PSMA3: variants seen among roughly 807,000 people sequenced by gnomAD.
PSMA3 encodes proteasome subunit alpha type-3.
PSMA3 carries 8 observed loss-of-function variants against 40.0 expected under a neutral mutation model. That is an observed-to-expected ratio of 0.20 (90% confidence interval 0.12 to 0.36). The LOEUF is 0.36. Ranked by LOEUF, PSMA3 falls within the 10% of genes least tolerant of loss-of-function variation. The pLI is 1.00. For missense variants in PSMA3, 219 were observed against 310.6 expected (o/e 0.70, Z 2.22); for synonymous variants, 110 against 100.0 (o/e 1.10, Z -0.59).
intron 1 of PSMA3, 160 bp downstream of exon 1, chr14:58,245,101 C>A: frequency 1.2e-6 from 1 of 860,514 alleles, no homozygotes; most frequent in Non-Finnish European, 1.9e-6. Flanking sequence ...TCTTTATCCC[C>A]TATATGCTAG....
At chr14:58,246,906 T>C (rs1175391074) in intron 1 of PSMA3, among the ~76,000 whole-genome samples, 1 of 152,218 alleles carries the variant, frequency 6.6e-6, no homozygotes, top group East Asian at 1.9e-4. Context: ...AAATTTCTCA[T>C]TGCATTTAGA....
chr14:58,252,088 TAAAA>T (rs1400490414), intron 2 of PSMA3, 27 bp from the exon 3 acceptor site: 1 of 1,566,294 alleles, frequency 6.4e-7, no homozygotes, highest in Non-Finnish European at 8.6e-7. Flanking sequence ...TATTTTCAGT[TAAAA>T]AACTGATTTT....
intron 9 of PSMA3, 106 bp from the exon 10 acceptor site, chr14:58,270,828 C>A: frequency 2.0e-6 from 2 of 988,222 alleles, no homozygotes; most frequent in Non-Finnish European, 3.0e-6. Flanking sequence ...AACTTTGCAA[C>A]CTTAGGTGAG....
chr14:58,267,290 C>T, intron 7 of PSMA3, 184 bp from the exon 8 acceptor site: 2 of 1,089,678 alleles, frequency 1.8e-6, no homozygotes, highest in Non-Finnish European at 2.3e-6. Context: ...GCACAAGCCA[C>T]TGCACCCAGC....
chr14:58,253,783 G>A (rs1045964384), intron 3 of PSMA3, among the ~76,000 whole-genome samples: 14 of 151,678 alleles, frequency 9.2e-5, no homozygotes, highest in African/African-American at 2.7e-4. Context: ...TAGTAGAGAC[G>A]GGGTTTCACC....
At chr14:58,261,456 G>C (rs1890278762) in intron 6 of PSMA3, among the ~76,000 whole-genome samples, 1 of 152,150 alleles carries the variant, frequency 6.6e-6, no homozygotes. Flanking sequence ...GAGTATTACA[G>C]GTGTGAGCCA....
intron 7 of PSMA3, 152 bp from the exon 8 acceptor site, chr14:58,267,322 A>G (rs1157082624): frequency 4.0e-5 from 48 of 1,199,238 alleles, no homozygotes; most frequent in Non-Finnish European, 4.6e-5. Context: ...ATTTCAAAAC[A>G]TTAAAATATG....
chr14:58,269,087 A>AC, intron 8 of PSMA3, among the ~76,000 whole-genome samples: 3 of 151,620 alleles, frequency 2.0e-5, no homozygotes, highest in Middle Eastern at 6.8e-3. Context: ...GGCGCCCACC[A>AC]CCACACCTGG....
At chr14:58,262,259 T>C (rs1238895062) in intron 6 of PSMA3, among the ~76,000 whole-genome samples, 6 of 152,120 alleles carry the variant, frequency 3.9e-5, no homozygotes, top group Non-Finnish European at 8.8e-5. Context: ...TCTCGCTCTG[T>C]CACCCAGACT....
chr14:58,263,962 G>A lies in PSMA3; in HGVS notation c.543+192G>A, dbSNP rs566783768. Among the ~76,000 whole-genome samples the A allele has an allele frequency of 7.2e-5, 11 of 152,282 alleles. No homozygotes were observed. The South Asian group carries it at 1.9e-3, about 26-fold the overall frequency. On this transcript the variant is annotated intron_variant, in intron 7 of 10. Coordinates refer to ENST00000216455, the MANE Select transcript of PSMA3 (RefSeq NM_002788.4). ...CTCATCATGTGTTAAGAAAGTTTAC[G>A]AATTTGTGTTTGGCCCCATGTGGCC...
intron 6 of PSMA3, among the ~76,000 whole-genome samples, chr14:58,263,355 ATTAAC>A (rs1422977079): frequency 6.6e-6 from 1 of 152,276 alleles, no homozygotes; most frequent in East Asian, 1.9e-4. Flanking sequence ...ACTCATAGGA[ATTAAC>A]TTTATTTCTG....
At position 58,257,727 on chromosome 14, in the gene PSMA3, T is replaced by C. The variant is rs371180299; in HGVS notation, c.229-18T>C. On this transcript the variant is annotated intron_variant, in intron 3 of 10. Transcript: ENST00000216455. ...GATAGGAATGTGTTCCTCTAGTAAA[T>C]TGGTGCTTTTTTTTCAGGCAGTAGC... The C allele has an allele frequency of 1.1e-4, 177 of 1,598,718 alleles. 1 individual carries two copies. Among genetic ancestry groups the C allele is most frequent in the Non-Finnish European group, 1.4e-4 (166 of 1,167,734 alleles).
intron 10 of PSMA3, among the ~76,000 whole-genome samples, chr14:58,271,494 T>C (rs1450248727): frequency 6.6e-6 from 1 of 152,092 alleles, no homozygotes; most frequent in Non-Finnish European, 1.5e-5. Flanking sequence ...CATACCTGGC[T>C]ACTTTTGTAT....
At chr14:58,261,099 A>G (rs931037990) in intron 6 of PSMA3, 79 bp downstream of exon 6, 12 of 965,844 alleles carry the variant, frequency 1.2e-5, no homozygotes, top group Non-Finnish European at 1.9e-5. Context: ...TTATAAGATT[A>G]TATGAAATTA....
intron 8 of PSMA3, chr14:58,268,787 A>G (rs1890521798): frequency 6.6e-6 from 1 of 152,204 alleles, no homozygotes; most frequent in South Asian, 2.1e-4. Flanking sequence ...ATTTAAGAAA[A>G]TGGAGCAGCA....
Position 58,271,562 on chromosome 14 carries a change from G to C in PSMA3, c.724-289G>C, listed in dbSNP as rs188784494. Among the ~76,000 whole-genome samples the C allele has an allele frequency of 2.2e-4, 33 of 152,060 alleles. No individual in the cohort carries two copies. In the East Asian group the frequency reaches 5.8e-3, roughly 27 times the overall value. ...TTCACCAGGCTAGTTTCAAACTCTT[G>C]AACTCACGTGATCTGCCTACTTTGG... On this transcript the variant is annotated intron_variant, in intron 10 of 10. Coordinates refer to ENST00000216455, the MANE Select transcript of PSMA3 (RefSeq NM_002788.4).
chr14:58,245,279 C>T (rs777833472), intron 1 of PSMA3: 28 of 302,716 alleles, frequency 9.2e-5, no homozygotes, highest in African/African-American at 5.9e-4. Context: ...AGTGTGTTCT[C>T]TTGAGAACCA....
intron 8 of PSMA3, chr14:58,267,815 T>G: frequency 4.3e-6 from 1 of 231,280 alleles, no homozygotes; most frequent in East Asian, 1.3e-4. Flanking sequence ...CTCAAATCTC[T>G]TAAGTCCTAA....
At chr14:58,270,852 T>C (rs1365240620) in intron 9 of PSMA3, 82 bp from the exon 10 acceptor site, 14 of 1,162,292 alleles carry the variant, frequency 1.2e-5, no homozygotes, top group East Asian at 2.4e-5. Flanking sequence ...GATATGTGGA[T>C]TGGGTAGATC....
Sources: gnomAD v4.1 joint callset for allele counts (sites outside exome capture counted in the v4.1 genomes callset) on GRCh38, gnomAD v4.1.1 for gene constraint, MANE v1.5 for transcripts, NCBI Gene and HGNC (gene_info 2026-07-23, HGNC 2026-07-21) for gene names.